Variants in CACNA1D observed in about 807,000 individuals in gnomAD.
CACNA1D encodes voltage-dependent L-type calcium channel subunit alpha-1D.
In CACNA1D, 55 loss-of-function variants were observed where a neutral mutation model predicts 257.1. The ratio of observed to expected loss-of-function variants is 0.21; its 90% confidence interval spans 0.17 to 0.27. CACNA1D has a LOEUF of 0.27. CACNA1D is among the 10% of genes least tolerant of loss of function. CACNA1D has a pLI of 1.00. For synonymous variants in CACNA1D, 980 were observed against 1,014.9 expected (o/e 0.97, Z 0.65); for missense variants, 1,876 against 2,784.0 (o/e 0.67, Z 7.34).
At chr3:53,773,414 G>A (rs2095377972) in intron 33 of CACNA1D, 1 of 180,506 alleles carries the variant, frequency 5.5e-6, no homozygotes, top group African/African-American at 2.4e-5. Context: ...CATGGGAAAG[G>A]GACTGGGCCT....
In CACNA1D at chr3:53,714,740, CT is replaced by C. The variant is rs151166162; in HGVS notation, c.1391-3560del. Among the ~76,000 whole-genome samples, 492 of 152,304 alleles carry C rather than the reference CT, an allele frequency of 3.2e-3. 3 individuals carry two copies. The highest frequency in any genetic ancestry group is 0.011 in the African/African-American group (461 of 41,562). Reference sequence around the variant, plus strand: ...GGTGAGTGGAAGTTAGGAGAGATTTCTCAGTGTCAGCTGTGTGTCCCAAGGC... The same window carrying C: ...GGTGAGTGGAAGTTAGGAGAGATTTCCAGTGTCAGCTGTGTGTCCCAAGGC... On this transcript the variant is annotated intron_variant, in intron 9 of 47. Transcript: ENST00000350061.
intron 30 of CACNA1D, among the ~76,000 whole-genome samples, chr3:53,764,595 G>T (rs1464570754): frequency 6.6e-6 from 1 of 152,198 alleles, no homozygotes; most frequent in Admixed American, 6.5e-5. Context: ...CAGGGGTGTA[G>T]CACCCATGTA....
At chr3:53,571,913 C>T (rs761235227) in intron 3 of CACNA1D, among the ~76,000 whole-genome samples, 3 of 152,128 alleles carry the variant, frequency 2.0e-5, no homozygotes, top group Non-Finnish European at 4.4e-5. Context: ...TCTAAAGGAA[C>T]AGGTGGTAGG....
chr3:53,645,213 T>A (rs2094006183), intron 3 of CACNA1D, among the ~76,000 whole-genome samples: 2 of 152,350 alleles, frequency 1.3e-5, no homozygotes, highest in South Asian at 4.1e-4. Context: ...CTATTTTTGA[T>A]ATTAACCCTT....
chr3:53,787,378 G>C (rs1294358302), intron 40 of CACNA1D, among the ~76,000 whole-genome samples: 1 of 151,040 alleles, frequency 6.6e-6, no homozygotes, highest in African/African-American at 2.4e-5. Context: ...ACTGCTTGTT[G>C]GTTTTTGGTC....
At chr3:53,606,354 C>T (rs570828033) in intron 3 of CACNA1D, among the ~76,000 whole-genome samples, 2 of 152,366 alleles carry the variant, frequency 1.3e-5, no homozygotes, top group East Asian at 3.9e-4. Flanking sequence ...TTAATGTGAG[C>T]AGCTTCTCTC....
chr3:53,592,656 G>A (rs983906857), intron 3 of CACNA1D, among the ~76,000 whole-genome samples: 23 of 151,962 alleles, frequency 1.5e-4, no homozygotes, highest in African/African-American at 4.8e-4. Context: ...TGTCAGAGTC[G>A]TGGTTGGACT....
chr3:53,659,993 A>C, intron 4 of CACNA1D, 140 bp from the exon 5 acceptor site: 4 of 708,972 alleles, frequency 5.6e-6, no homozygotes, highest in Non-Finnish European at 7.2e-6. Flanking sequence ...TCCACAGCCC[A>C]GTTCTTGTCT....
chr3:53,648,676 A>T (rs1189296151), intron 3 of CACNA1D, among the ~76,000 whole-genome samples: 2 of 151,918 alleles, frequency 1.3e-5, no homozygotes, highest in Admixed American at 6.6e-5. Flanking sequence ...AGCTGTATGA[A>T]GGGCATGGGG....
At chr3:53,773,465 G>A (rs1194610529) in intron 33 of CACNA1D, 3 of 159,028 alleles carry the variant, frequency 1.9e-5, no homozygotes, top group Admixed American at 6.1e-5. Context: ...GCAGTGGGAT[G>A]GGTTGTGGGT....
At chr3:53,754,836 A>G (rs866352928) in intron 29 of CACNA1D, among the ~76,000 whole-genome samples, 1 of 152,156 alleles carries the variant, frequency 6.6e-6, no homozygotes, top group Admixed American at 6.5e-5. Flanking sequence ...GGTTTCACAT[A>G]CTCCATAGTT....
chr3:53,522,440 T>A (rs931828378), intron 3 of CACNA1D, among the ~76,000 whole-genome samples: 11 of 148,048 alleles, frequency 7.4e-5, no homozygotes, highest in African/African-American at 2.9e-4. Flanking sequence ...TTCTGCATAG[T>A]TTTTGGATGT....
At chr3:53,524,426 A>T (rs1407719979) in intron 3 of CACNA1D, among the ~76,000 whole-genome samples, 1 of 152,250 alleles carries the variant, frequency 6.6e-6, no homozygotes, top group Non-Finnish European at 1.5e-5. Flanking sequence ...TGCTGTGCCA[A>T]CACACAAAAC....
rs551588233 is a variant in CACNA1D at position 53,687,031 on chromosome 3, C to A, written c.1220+13905C>A. Among the ~76,000 whole-genome samples the A allele has an allele frequency of 7.9e-5, 12 of 151,888 alleles. No individual in the cohort carries two copies. The South Asian group carries it at 1.2e-3, about 16-fold the overall frequency. On this transcript the variant is annotated intron_variant, in intron 8 of 47. Coordinates refer to ENST00000350061, the MANE Select transcript of CACNA1D (RefSeq NM_001128840.3). ...AAATGAAATTTTAAAAAATTACCAT[C>A]AAAAATTATTTACAATAGCATTCCT... is the stretch of plus-strand genomic sequence containing the variant.
chr3:53,803,723 C>G, intron 44 of CACNA1D, 151 bp downstream of exon 44: 1 of 764,294 alleles, frequency 1.3e-6, no homozygotes, highest in South Asian at 1.4e-5. Context: ...GAGAGTGGAG[C>G]TGGAGAAAGA....
intron 39 of CACNA1D, 93 bp from the exon 40 acceptor site, chr3:53,786,729 C>CA (rs2109108402): frequency 2.1e-6 from 1 of 478,720 alleles, no homozygotes; most frequent in Non-Finnish European, 4.0e-6. Flanking sequence ...CCGCCCCACT[C>CA]TGCCCCTGCC....
At chr3:53,695,274 T>C (rs1005820306) in intron 8 of CACNA1D, among the ~76,000 whole-genome samples, 1 of 152,180 alleles carries the variant, frequency 6.6e-6, no homozygotes, top group African/African-American at 2.4e-5. Flanking sequence ...AGTCCATCTC[T>C]ACTGAGGATC....
intron 3 of CACNA1D, among the ~76,000 whole-genome samples, chr3:53,579,506 GT>G (rs1049716710): frequency 6.6e-6 from 1 of 152,166 alleles, no homozygotes; most frequent in African/African-American, 2.4e-5. Context: ...CCTTTCTGAG[GT>G]TTGAGAAGTG....
chr3:53,501,409 G>A (rs559668775), intron 2 of CACNA1D, among the ~76,000 whole-genome samples: 2 of 152,294 alleles, frequency 1.3e-5, no homozygotes, highest in South Asian at 4.2e-4. Context: ...GACACGGAGA[G>A]GTCATTTGGT....
Sources: gnomAD v4.1 joint callset for allele counts (sites outside exome capture counted in the v4.1 genomes callset) on GRCh38, gnomAD v4.1.1 for gene constraint, MANE v1.5 for transcripts, NCBI Gene and HGNC (gene_info 2026-07-23, HGNC 2026-07-21) for gene names.